Variants in CLCN7 observed in about 807,000 individuals in gnomAD.
The protein encoded by CLCN7 is H(+)/Cl(-) exchange transporter 7.
In CLCN7, 60 loss-of-function variants were observed where a neutral mutation model predicts 102.1. The ratio of observed to expected loss-of-function variants is 0.59; its 90% CI spans 0.48 to 0.73. CLCN7 has a LOEUF of 0.73. Among genes scored for constraint, CLCN7 ranks in the 30% least tolerant of loss-of-function variants. CLCN7 has a pLI of 0.00. For synonymous variants in CLCN7, 560 were observed against 490.5 expected (o/e 1.14, Z -1.87); for missense variants, 962 against 1,125.7 (o/e 0.85, Z 2.08).
Position 1,459,101 on chromosome 16 carries a change from C to T in CLCN7, c.675+6G>A. ...CCCTGCCCAGCCAGGGCCACCGCAC[C>T]CTCACCTTGAGCCGCACCACGTGGG... On this transcript the variant is annotated splice_donor_region_variant and intron_variant, in intron 7 of 24. Coordinates refer to ENST00000382745, the MANE Select transcript of CLCN7 (RefSeq NM_001287.6). 6.2e-7 allele frequency: 1 copy of T among 1,606,254 alleles called. No individual in the cohort carries two copies. Among genetic ancestry groups the T allele is most frequent in the Non-Finnish European group, 8.5e-7 (1 of 1,174,500 alleles).
rs1260531141 is a variant in CLCN7 at position 1,450,489 on chromosome 16, C to T, written c.1617+8G>A. 2 of 1,592,884 alleles carry T rather than the reference C, an allele frequency of 1.3e-6. No individual in the cohort carries two copies. The highest frequency in any genetic ancestry group is 1.7e-6 in the Non-Finnish European group (2 of 1,170,804). ...GGGCCCCACAGCCTCCCCTCCGGCC[C>T]CACTCACCGCCGCCCCCGTGAGGTA... On this transcript the variant is annotated splice_region_variant and intron_variant, in intron 17 of 24. Coordinates refer to ENST00000382745, the MANE Select transcript of CLCN7 (RefSeq NM_001287.6).
Position 1,449,030 on chromosome 16 carries a change from G to T in CLCN7, c.1733C>A (p.Thr578Asn). The change falls in exon 19 of 25, where the codon ACC (threonine) becomes AAC (asparagine). Residue 578 changes from threonine to asparagine, a missense_variant. Coordinates refer to ENST00000382745, the MANE Select transcript of CLCN7 (RefSeq NM_001287.6). ...VIMMEATSNV[T>N]YGFPIMLVLM... ...CACCAGCATGATGGGGAAGCCGTAG[G>T]TCACGTTGCTGGTGGCCTCCATCAT... 2 of 1,612,858 alleles carry T rather than the reference G, an allele frequency of 1.2e-6. No individual in the cohort carries two copies. The highest frequency in any genetic ancestry group is 1.7e-6 in the Non-Finnish European group (2 of 1,179,994).
At position 1,445,923 on chromosome 16, in the gene CLCN7, T is replaced by C. The variant is rs916047304; in HGVS notation, c.*708A>G. ...TGGGGGACCAAGGCAGGGCTGGGCA[T>C]GGGGCTCAGGGCCTTGGAGGTTTTT... On this transcript the variant is annotated 3_prime_UTR_variant, in exon 25 of 25. Coordinates refer to ENST00000382745, the MANE Select transcript of CLCN7 (RefSeq NM_001287.6). 4.0e-6 allele frequency: 1 copy of C among 248,022 alleles called. No homozygotes were observed. Among genetic ancestry groups the C allele is most frequent in the Non-Finnish European group, 7.8e-6 (1 of 129,010 alleles). 15.4% of individuals were successfully genotyped at this position (248,022 alleles called of 1,614,324 possible).
chr16:1,456,313 G>T, intron 9 of CLCN7, 107 bp from the exon 10 acceptor site: 1 of 806,796 alleles, frequency 1.2e-6, no homozygotes, highest in Non-Finnish European at 2.1e-6. Context: ...GGGGCTTTCA[G>T]GACAACCGAG....
intron 15 of CLCN7, chr16:1,452,364 A>C: frequency 3.6e-6 from 1 of 275,764 alleles, no homozygotes; most frequent in South Asian, 4.6e-5. Flanking sequence ...CAACCGTGTC[A>C]CAGTGCAGAT....
At chr16:1,466,133 C>G (rs747982710) in intron 1 of CLCN7, among the ~76,000 whole-genome samples, 1 of 152,250 alleles carries the variant, frequency 6.6e-6, no homozygotes, top group African/African-American at 2.4e-5. Context: ...GTGGAGGGAC[C>G]GCATGCGCAG....
Position 1,446,682 on chromosome 16 carries a change from C to T in CLCN7, c.2367G>A (p.Arg789=), listed in dbSNP as rs750584163. 7 of 1,590,210 alleles carry T rather than the reference C, an allele frequency of 4.4e-6. No homozygotes were observed. In the East Asian group the frequency reaches 1.6e-4, roughly 37 times the overall value. Residue 789 remains arginine, a synonymous_variant, in exon 25 of 25, where the codon AGG becomes AGA. Coordinates refer to ENST00000382745, the MANE Select transcript of CLCN7 (RefSeq NM_001287.6). Reference sequence around the variant, plus strand: ...CCAAGCCTCTCTTTCCCAGGCGGTACCTGGCGAGGTCCTTCCTGGTCACCA... The same window carrying T: ...CCAAGCCTCTCTTTCCCAGGCGGTATCTGGCGAGGTCCTTCCTGGTCACCA... The part of the protein sequence containing the change: ...VGLVTRKDLA[R]YRLGKRGLEE...
Position 1,470,508 on chromosome 16 carries a change from C to T in CLCN7, c.141+4326G>A, listed in dbSNP as rs542096924. Among the ~76,000 whole-genome samples the T allele has an allele frequency of 5.3e-5, 8 of 152,310 alleles. No individual in the cohort carries two copies. In the South Asian group the frequency reaches 1.7e-3, roughly 32 times the overall value. ...TACAGTCAAAGGAAACAAGGTGACA[C>T]ACAAAGGCCACAGAGACCAAGGAGA... On this transcript the variant is annotated intron_variant, in intron 1 of 24. Coordinates refer to ENST00000382745, the MANE Select transcript of CLCN7 (RefSeq NM_001287.6).
chr16:1,447,940 A>C (rs2038680242), intron 21 of CLCN7, among the ~76,000 whole-genome samples: 3 of 152,216 alleles, frequency 2.0e-5, no homozygotes, highest in Admixed American at 1.3e-4. Context: ...GACCGCGCAC[A>C]GCAGAGAGCC....
rs939408403 is a variant in CLCN7, at chr16:1,456,213, C to A, written c.823-7G>T. The A allele has an allele frequency of 6.4e-7, 1 of 1,560,112 alleles. No homozygotes were observed. The highest frequency in any genetic ancestry group is 1.4e-5 in the African/African-American group (1 of 73,604). ...TGCGGAAGTACTCGAAGATCTGCAACAGGGACAGACCAGGGTCGGGGCAGG... is the reference window on the plus strand; with the variant it reads ...TGCGGAAGTACTCGAAGATCTGCAAAAGGGACAGACCAGGGTCGGGGCAGG... On this transcript the variant is annotated splice_polypyrimidine_tract_variant and splice_region_variant and intron_variant, in intron 9 of 24. Transcript: ENST00000382745.
rs2038928841 is a variant in CLCN7 at position 1,461,076 on chromosome 16, T to A, written c.352-128A>T. ...GGCCCAGTGTGCACGGTGCGCTGAG[T>A]CCCACAAAGGACAGTTTCTGGCCAA... On this transcript the variant is annotated intron_variant, in intron 4 of 24. Coordinates refer to ENST00000382745, the MANE Select transcript of CLCN7 (RefSeq NM_001287.6). The A allele has an allele frequency of 8.8e-6, 11 of 1,254,938 alleles. No homozygotes were observed. In the East Asian group the frequency reaches 2.8e-4, roughly 32 times the overall value. The allele number at this position is 1,254,938 out of a possible 1,614,324, so 77.7% of individuals were successfully genotyped here. A position where few individuals can be genotyped will look rare whatever the true frequency, so the allele number is the denominator to read the frequency against.
At chr16:1,474,471 C>T (rs767136217) in intron 1 of CLCN7, 21 of 341,930 alleles carry the variant, frequency 6.1e-5, no homozygotes, top group Non-Finnish European at 9.6e-5. Flanking sequence ...TTAAAAGTCA[C>T]CTGAACAGAA....
At chr16:1,456,969 T>G (rs1409287375) in intron 9 of CLCN7, among the ~76,000 whole-genome samples, 2 of 152,178 alleles carry the variant, frequency 1.3e-5, no homozygotes, top group Non-Finnish European at 2.9e-5. Context: ...ACACTTGGTC[T>G]CAGGTTCTGC....
At chr16:1,465,116 G>T in intron 2 of CLCN7, 151 bp downstream of exon 2, 1 of 730,806 alleles carries the variant, frequency 1.4e-6, no homozygotes. Flanking sequence ...CTCACTTGGC[G>T]TCAGGGACCA....
In CLCN7 at chr16:1,445,834, C is replaced by A. The variant is rs886051692; in HGVS notation, c.*797G>T. On this transcript the variant is annotated 3_prime_UTR_variant, in exon 25 of 25. Transcript: ENST00000382745. ...CAGTGTCCACAGGGCAGCAATTCCA[C>A]GCTCTGAGGCTCAGGGACCAAGGCA... 1.2e-5 allele frequency: 2 copies of A among 172,926 alleles called. No homozygotes were observed. The highest frequency in any genetic ancestry group is 2.5e-5 in the Non-Finnish European group (2 of 81,274). 10.7% of individuals were successfully genotyped at this position (172,926 alleles called of 1,614,324 possible). A position where few individuals can be genotyped will look rare whatever the true frequency, so the allele number is the denominator to read the frequency against.
chr16:1,450,778 C>G (rs1043864800), intron 16 of CLCN7, 112 bp from the exon 17 acceptor site: 2 of 946,516 alleles, frequency 2.1e-6, no homozygotes, highest in Non-Finnish European at 1.5e-6. Context: ...GCCCAGCAAC[C>G]TGAGCTCCCG....
chr16:1,459,661 G>A (rs1596222647), intron 6 of CLCN7, among the ~76,000 whole-genome samples: 1 of 40,924 alleles, frequency 2.4e-5, no homozygotes, highest in African/African-American at 1.4e-4. Flanking sequence ...CAGGGAAGGG[G>A]AGAGCGGCAC....
chr16:1,451,802 G>A (rs890376796), intron 15 of CLCN7, 86 bp from the exon 16 acceptor site: 14 of 1,071,172 alleles, frequency 1.3e-5, no homozygotes, highest in South Asian at 4.0e-5. Flanking sequence ...GTGAGAGGCC[G>A]TGTACCCTGT....
At chr16:1,453,749 G>T in intron 14 of CLCN7, 85 bp downstream of exon 14, 2 of 1,300,678 alleles carry the variant, frequency 1.5e-6, no homozygotes, top group Non-Finnish European at 2.2e-6. Flanking sequence ...GCCTAGGAGT[G>T]TAAACCCCAT....
Sources: allele counts gnomAD v4.1 joint callset (sites outside exome capture counted in the v4.1 genomes callset), GRCh38; gene constraint gnomAD v4.1.1; transcripts MANE v1.5; gene names NCBI Gene and HGNC (gene_info 2026-07-23, HGNC 2026-07-21).